The following PREX2 variants were observed in gnomAD, a reference collection of about 807,000 sequenced individuals.
PREX2 encodes phosphatidylinositol 3,4,5-trisphosphate-dependent Rac exchanger 2 protein.
In PREX2, 107 loss-of-function variants were observed where a neutral mutation model predicts 203.2. The ratio of observed to expected loss-of-function variants is 0.53; its 90% CI spans 0.45 to 0.62. The LOEUF (loss-of-function observed/expected upper bound fraction) is 0.62, where lower values mean the gene tolerates loss of function less well. Ranked by LOEUF, PREX2 falls within the 20% of genes least tolerant of loss-of-function variation. The pLI is 0.00. For missense variants in PREX2, 1,777 were observed against 1,955.9 expected, an observed-to-expected ratio of 0.91 and a Z score of 1.72; for synonymous variants, 672 against 663.6, an observed-to-expected ratio of 1.01 and a Z score of -0.19.
At chr8:68,018,810 A>G (rs916278965) in intron 2 of PREX2, among the ~76,000 whole-genome samples, 1 of 152,198 alleles carries the variant, frequency 6.6e-6, no homozygotes, top group African/African-American at 2.4e-5. Flanking sequence ...GATATTTATG[A>G]TGCTAACTTA....
intron 20 of PREX2, among the ~76,000 whole-genome samples, chr8:68,092,419 G>A (rs369845421): frequency 4.6e-5 from 7 of 152,272 alleles, no homozygotes; most frequent in African/African-American, 1.7e-4. Context: ...AATACATATT[G>A]TATCATACTT....
chr8:68,072,346 T>G, intron 13 of PREX2, 149 bp from the exon 14 acceptor site: 1 of 524,130 alleles, frequency 1.9e-6, no homozygotes, highest in Non-Finnish European at 3.4e-6. Flanking sequence ...CTTCTCTTAT[T>G]TGCATGTAAT....
chr8:68,231,218 G>A (rs1184645895), intron 39 of PREX2, 115 bp from the exon 40 acceptor site: 2 of 691,918 alleles, frequency 2.9e-6, no homozygotes, highest in East Asian at 3.3e-5. Flanking sequence ...TAGACAATCC[G>A]ATCATGACTC....
At chr8:68,206,547 A>G (rs2129615015) in intron 37 of PREX2, among the ~76,000 whole-genome samples, 1 of 152,338 alleles carries the variant, frequency 6.6e-6, no homozygotes, top group East Asian at 1.9e-4. Flanking sequence ...TGGAGTACAC[A>G]AAGTGCTGGG....
Position 68,121,057 on chromosome 8 carries a change from T to C in PREX2, c.3724+8T>C, listed in dbSNP as rs1343272906. On this transcript the variant is annotated splice_region_variant and intron_variant, in intron 30 of 39. Coordinates refer to ENST00000288368, the MANE Select transcript of PREX2 (RefSeq NM_024870.4). ...TCAGGAAATTTGTTGAAGGTCAGCA[T>C]GAAAAGCAAAGAACATTGCATGATA... is the stretch of plus-strand genomic sequence containing the variant. The C allele has an allele frequency of 2.0e-5, 33 of 1,612,448 alleles. No individual in the cohort carries two copies. Among genetic ancestry groups the C allele is most frequent in the Non-Finnish European group, 2.8e-5 (33 of 1,179,342 alleles).
intron 11 of PREX2, among the ~76,000 whole-genome samples, chr8:68,062,230 G>T (rs922194567): frequency 6.6e-6 from 1 of 151,676 alleles, no homozygotes; most frequent in Non-Finnish European, 1.5e-5. Flanking sequence ...TTTTCTAGTC[G>T]CCGTCATCTC....
Position 68,111,236 on chromosome 8 carries a change from C to T in PREX2, c.3146+1613C>T, listed in dbSNP as rs576363950. On this transcript the variant is annotated intron_variant, in intron 25 of 39. Coordinates refer to ENST00000288368, the MANE Select transcript of PREX2 (RefSeq NM_024870.4). ...AAACATCTGGACCAATCCCATACTT[C>T]CAGTTCCAAGAGTTGTTATTGCTAT... 8 of 171,870 alleles carry T rather than the reference C, an allele frequency of 4.7e-5. No individual in the cohort carries two copies. In the South Asian group the frequency reaches 1.0e-3, roughly 22 times the overall value. The allele number at this position is 171,870 out of a possible 1,614,324, so 10.6% of individuals were successfully genotyped here. A position where few individuals can be genotyped will look rare whatever the true frequency, so the allele number is the denominator to read the frequency against.
intron 31 of PREX2, among the ~76,000 whole-genome samples, chr8:68,128,236 A>G (rs1294615214): frequency 6.6e-6 from 1 of 152,160 alleles, no homozygotes; most frequent in East Asian, 1.9e-4. Context: ...TATTATTTTA[A>G]TCTATTTCCC....
chr8:68,093,646 T>C lies in PREX2; in HGVS notation c.2292T>C (p.Ala764=). 1.9e-6 allele frequency: 3 copies of C among 1,611,248 alleles called. No homozygotes were observed. The highest frequency in any genetic ancestry group is 2.5e-6 in the Non-Finnish European group (3 of 1,177,634). The change falls in exon 21 of 40, where the codon GCT becomes GCC. Residue 764 remains alanine (A), a synonymous_variant. Transcript: ENST00000288368. ...GGGTTTATAATAGCATTGAGAGTGC[T>C]CAAGAAGACCTTCAAAAATCTCACT... The part of the protein sequence containing the change: ...IQWVYNSIES[A]QEDLQKSHSK...
intron 4 of PREX2, 94 bp downstream of exon 4, chr8:68,022,234 G>T: frequency 1.4e-6 from 1 of 691,624 alleles, no homozygotes; most frequent in Non-Finnish European, 2.6e-6. Flanking sequence ...AAAAATCTGT[G>T]GGATACCTCT....
chr8:68,023,872 G>T (rs2129610330), intron 4 of PREX2, among the ~76,000 whole-genome samples: 1 of 152,014 alleles, frequency 6.6e-6, no homozygotes, highest in Non-Finnish European at 1.5e-5. Flanking sequence ...TTCTTTTGTA[G>T]CTTCTTAGGG....
At chr8:68,044,249 A>G (rs1808278164) in intron 7 of PREX2, among the ~76,000 whole-genome samples, 1 of 152,090 alleles carries the variant, frequency 6.6e-6, no homozygotes, top group South Asian at 2.1e-4. Flanking sequence ...CCTGTGTACT[A>G]TCCTTAGCTT....
chr8:68,124,713 A>G (rs1281983976), intron 30 of PREX2, among the ~76,000 whole-genome samples: 1 of 152,192 alleles, frequency 6.6e-6, no homozygotes, highest in Non-Finnish European at 1.5e-5. Flanking sequence ...TAAGAATCTT[A>G]CATTTTCATT....
At chr8:67,990,025 G>A (rs1420311394) in intron 1 of PREX2, among the ~76,000 whole-genome samples, 2 of 151,712 alleles carry the variant, frequency 1.3e-5, no homozygotes, top group Non-Finnish European at 2.9e-5. Context: ...TCGCTGTGTT[G>A]CTCAGGCTGG....
At chr8:68,025,106 G>A (rs577581294) in intron 4 of PREX2, among the ~76,000 whole-genome samples, 1 of 151,860 alleles carries the variant, frequency 6.6e-6, no homozygotes, top group Admixed American at 6.6e-5. Context: ...ATTTCTTCCT[G>A]TGTATTTGAC....
intron 5 of PREX2, 113 bp downstream of exon 5, chr8:68,027,436 A>T: frequency 1.4e-6 from 1 of 704,208 alleles, no homozygotes; most frequent in Non-Finnish European, 2.4e-6. Context: ...AGCGTAGACC[A>T]TAAGTATTGG....
intron 23 of PREX2, among the ~76,000 whole-genome samples, chr8:68,104,182 T>G (rs1810345105): frequency 6.6e-6 from 1 of 152,142 alleles, no homozygotes; most frequent in Non-Finnish European, 1.5e-5. Context: ...CCTCCCTACC[T>G]CTACTGCTGG....
At chr8:68,043,398 T>G (rs1348255893) in intron 7 of PREX2, among the ~76,000 whole-genome samples, 1 of 151,864 alleles carries the variant, frequency 6.6e-6, no homozygotes, top group African/African-American at 2.4e-5. Flanking sequence ...GCAATTTTTT[T>G]CCAAGGAAGG....
chr8:68,197,311 G>A (rs139762844), intron 37 of PREX2, among the ~76,000 whole-genome samples: 2,564 of 152,158 alleles, frequency 0.017, 94 homozygotes, highest in East Asian at 0.14. Flanking sequence ...TTTCCCCCAT[G>A]CTGTTCTCAT....
Sources: gnomAD v4.1 joint callset for allele counts (sites outside exome capture counted in the v4.1 genomes callset) on GRCh38, gnomAD v4.1.1 for gene constraint, MANE v1.5 for transcripts, NCBI Gene and HGNC (gene_info 2026-07-23, HGNC 2026-07-21) for gene names.